The following ANKS1B variants were observed in gnomAD, a reference collection of about 807,000 sequenced individuals.
ANKS1B encodes ankyrin repeat and sterile alpha motif domain containing 1B, also known as ankyrin repeat and sterile alpha motif domain-containing protein 1B.
A neutral mutation model predicts 148.3 loss-of-function variants in ANKS1B; 36 were observed. That is an observed-to-expected ratio of 0.24 (90% confidence interval 0.19 to 0.32). The LOEUF is 0.32. ANKS1B is among the 10% of genes least tolerant of loss of function. The pLI, the probability that ANKS1B is intolerant of heterozygous loss-of-function variation, is 1.00. For synonymous variants in ANKS1B, 542 were observed against 560.8 expected (o/e 0.97, Z 0.47); for missense variants, 1,157 against 1,542.6 (o/e 0.75, Z 4.19).
intron 14 of ANKS1B, among the ~76,000 whole-genome samples, chr12:99,162,932 C>A (rs963466350): frequency 6.6e-6 from 1 of 152,004 alleles, no homozygotes; most frequent in Non-Finnish European, 1.5e-5. Context: ...GTGGCAGGCA[C>A]CTGTAGTCCC....
At chr12:99,042,082 T>C (rs960914528) in intron 17 of ANKS1B, among the ~76,000 whole-genome samples, 1 of 151,908 alleles carries the variant, frequency 6.6e-6, no homozygotes, top group Non-Finnish European at 1.5e-5. Context: ...CCCCCCAAAA[T>C]CTCTGGGGTG....
At chr12:99,085,157 G>A (rs1296636083) in intron 15 of ANKS1B, 134 bp from the exon 16 acceptor site, 14 of 710,066 alleles carry the variant, frequency 2.0e-5, no homozygotes, top group Middle Eastern at 3.8e-4. Context: ...TCATTCTTCC[G>A]TGAGGGTGAG....
intron 8 of ANKS1B, among the ~76,000 whole-genome samples, chr12:99,745,937 C>A (rs2060553289): frequency 6.6e-6 from 1 of 151,464 alleles, no homozygotes; most frequent in Admixed American, 6.6e-5. Context: ...TAATGGTGTT[C>A]AAAAAAACAG....
chr12:99,566,744 C>T (rs787420), intron 9 of ANKS1B, among the ~76,000 whole-genome samples: 48,052 of 151,908 alleles, frequency 0.32, 8,657 homozygotes, highest in African/African-American at 0.48. Flanking sequence ...CACTAGATGA[C>T]GGCACCATGC....
intron 11 of ANKS1B, among the ~76,000 whole-genome samples, chr12:99,434,134 A>C (rs759402700): frequency 2.0e-5 from 3 of 152,156 alleles, no homozygotes; most frequent in Non-Finnish European, 4.4e-5. Context: ...TAGGTATACT[A>C]TTCATTGTAT....
In ANKS1B at chr12:99,205,419, C is replaced by A. The variant is rs560838631; in HGVS notation, c.2419+38923G>T. ...ACTGCAAATAAAAGCTTATTAAGAT[C>A]TTTATACTAAATTTTTTTGTTGTTG... On this transcript the variant is annotated intron_variant, in intron 14 of 26. Transcript: ENST00000683438. Among the ~76,000 whole-genome samples, 16 of 152,274 alleles carry A rather than the reference C, an allele frequency of 1.1e-4. No homozygotes were observed. In the South Asian group the frequency reaches 3.3e-3, roughly 32 times the overall value.
intron 10 of ANKS1B, among the ~76,000 whole-genome samples, chr12:99,455,511 G>T (rs2095833342): frequency 6.6e-6 from 1 of 152,192 alleles, no homozygotes; most frequent in Non-Finnish European, 1.5e-5. Flanking sequence ...GAGGTTTGTA[G>T]CCTGGGGCAA....
chr12:99,299,215 C>T (rs2081289569), intron 12 of ANKS1B, among the ~76,000 whole-genome samples: 1 of 152,086 alleles, frequency 6.6e-6, no homozygotes, highest in Non-Finnish European at 1.5e-5. Context: ...TGTGCGCTAC[C>T]ATGCCTGGCT....
chr12:99,262,534 T>C lies in ANKS1B; in HGVS notation c.1757-15670A>G, dbSNP rs554485971. On this transcript the variant is annotated intron_variant, in intron 12 of 26. Transcript: ENST00000683438. ...AATATCTGTTCATTCTAGTTATTAGTAAAAGTAAAGAGAGAAGAAAGACAC... is the reference window on the plus strand; with the variant it reads ...AATATCTGTTCATTCTAGTTATTAGCAAAAGTAAAGAGAGAAGAAAGACAC... 1.2e-4 allele frequency among the ~76,000 whole-genome samples: 18 copies of C among 152,164 alleles called. 1 individual carries two copies. The South Asian group carries it at 3.1e-3, about 26-fold the overall frequency.
chr12:99,198,914 G>T (rs928181999), intron 14 of ANKS1B, among the ~76,000 whole-genome samples: 1 of 152,176 alleles, frequency 6.6e-6, no homozygotes, highest in Non-Finnish European at 1.5e-5. Flanking sequence ...TAAATGAATT[G>T]CTGGTTCCAC....
chr12:99,502,878 A>AT (rs1307897907), intron 10 of ANKS1B, among the ~76,000 whole-genome samples: 5 of 152,154 alleles, frequency 3.3e-5, no homozygotes, highest in Non-Finnish European at 7.4e-5. Context: ...TCAAAAATCC[A>AT]TTTTTTTCAC....
At chr12:99,577,361 A>G (rs1000714619) in intron 9 of ANKS1B, among the ~76,000 whole-genome samples, 2 of 151,446 alleles carry the variant, frequency 1.3e-5, no homozygotes, top group Non-Finnish European at 2.9e-5. Context: ...ATGCTAGCAG[A>G]AGAAAAAAAA....
chr12:99,360,236 T>A (rs1382795444), intron 12 of ANKS1B, among the ~76,000 whole-genome samples: 1 of 152,002 alleles, frequency 6.6e-6, no homozygotes, highest in African/African-American at 2.4e-5. Context: ...ATGGCAAGAG[T>A]CACTTAATGT....
chr12:99,777,288 G>A (rs1161035550), intron 6 of ANKS1B, among the ~76,000 whole-genome samples: 1 of 152,190 alleles, frequency 6.6e-6, no homozygotes, highest in African/African-American at 2.4e-5. Flanking sequence ...ATCCAGGAAT[G>A]CAAAGAACAG....
intron 17 of ANKS1B, among the ~76,000 whole-genome samples, chr12:98,854,961 C>T (rs888575751): frequency 6.6e-6 from 1 of 151,946 alleles, no homozygotes; most frequent in Non-Finnish European, 1.5e-5. Context: ...AGATCGAGAC[C>T]ATCCTGGCTA....
At chr12:99,073,815 A>G (rs898153590) in intron 16 of ANKS1B, among the ~76,000 whole-genome samples, 6 of 152,278 alleles carry the variant, frequency 3.9e-5, no homozygotes, top group Non-Finnish European at 5.9e-5. Context: ...CAAACACACA[A>G]GCAACTCACA....
chr12:99,872,610 T>A (rs956807887), intron 1 of ANKS1B, among the ~76,000 whole-genome samples: 1 of 152,156 alleles, frequency 6.6e-6, no homozygotes, highest in African/African-American at 2.4e-5. Flanking sequence ...TTAGTAAATG[T>A]AAGTATGTAA....
chr12:99,172,353 A>G (rs972978621), intron 14 of ANKS1B, among the ~76,000 whole-genome samples: 4 of 152,264 alleles, frequency 2.6e-5, no homozygotes, highest in Non-Finnish European at 5.9e-5. Flanking sequence ...CCCCTGGAGG[A>G]TGTGGGAGAT....
At chr12:99,599,562 G>T (rs2097784730) in intron 9 of ANKS1B, among the ~76,000 whole-genome samples, 1 of 152,034 alleles carries the variant, frequency 6.6e-6, no homozygotes, top group African/African-American at 2.4e-5. Flanking sequence ...AGAGATTATT[G>T]AAACCCTTAA....
Sources: gnomAD v4.1 joint callset for allele counts (sites outside exome capture counted in the v4.1 genomes callset) on GRCh38, gnomAD v4.1.1 for gene constraint, MANE v1.5 for transcripts, NCBI Gene and HGNC (gene_info 2026-07-23, HGNC 2026-07-21) for gene names.